Variants in TRPC4 observed in about 807,000 individuals in gnomAD.
TRPC4 encodes short transient receptor potential channel 4.
A neutral mutation model predicts 99.4 loss-of-function variants in TRPC4; 49 were observed. That is an observed-to-expected ratio of 0.49 (90% confidence interval 0.39 to 0.63). The LOEUF (loss-of-function observed/expected upper bound fraction) is 0.63, where lower values mean the gene tolerates loss of function less well. Among genes scored for constraint, TRPC4 ranks in the 20% least tolerant of loss-of-function variants. TRPC4 has a pLI of 0.00. For missense variants in TRPC4, 898 were observed against 1,152.9 expected (o/e 0.78, Z 3.20); for synonymous variants, 454 against 425.9 (o/e 1.07, Z -0.81).
chr13:37,834,658 A>G (rs1219365579), intron 1 of TRPC4, among the ~76,000 whole-genome samples: 4 of 152,194 alleles, frequency 2.6e-5, no homozygotes, highest in African/African-American at 9.7e-5. Flanking sequence ...ACAGTAAATG[A>G]GATGCACTCT....
chr13:37,709,812 C>T (rs1039451929), intron 3 of TRPC4, among the ~76,000 whole-genome samples: 15 of 151,908 alleles, frequency 9.9e-5, no homozygotes, highest in African/African-American at 3.4e-4. Flanking sequence ...ATCTAAAATT[C>T]CATTCAGAAT....
intron 1 of TRPC4, among the ~76,000 whole-genome samples, chr13:37,868,778 GGGATACACCATAGT>G (rs1314027289): frequency 3.3e-5 from 5 of 152,134 alleles, no homozygotes; most frequent in Admixed American, 3.3e-4. Context: ...CATGTGAACA[GGGATACACCATAGT>G]GGATACACCA....
At chr13:37,737,975 G>T (rs1186827097) in intron 3 of TRPC4, among the ~76,000 whole-genome samples, 1 of 152,102 alleles carries the variant, frequency 6.6e-6, no homozygotes. Flanking sequence ...CCAGGGCAGG[G>T]AAAATGTTAA....
At chr13:37,709,961 T>C (rs145726719) in intron 3 of TRPC4, among the ~76,000 whole-genome samples, 18 of 152,090 alleles carry the variant, frequency 1.2e-4, no homozygotes, top group African/African-American at 4.3e-4. Flanking sequence ...GATTGCTGCA[T>C]ATCATGGAAG....
intron 2 of TRPC4, among the ~76,000 whole-genome samples, chr13:37,782,389 A>G (rs915200854): frequency 6.6e-6 from 1 of 152,128 alleles, no homozygotes; most frequent in Non-Finnish European, 1.5e-5. Context: ...GCCCACAGTC[A>G]GAGTTCAGCT....
intron 1 of TRPC4, among the ~76,000 whole-genome samples, chr13:37,795,128 A>T (rs1437703028): frequency 3.3e-5 from 5 of 152,162 alleles, no homozygotes; most frequent in Non-Finnish European, 2.9e-5. Context: ...TGTTCAATTA[A>T]GCTGGATTTA....
In TRPC4 at chr13:37,785,902, T is replaced by A. The variant is rs532781333; in HGVS notation, c.-27-2542A>T. 4.1e-4 allele frequency among the ~76,000 whole-genome samples: 63 copies of A among 152,144 alleles called. No homozygotes were observed. In the South Asian group the frequency reaches 0.012, roughly 30 times the overall value. ...TAATATCTATTTCATTTAATCCAGA[T>A]AACTTCCACAAATGTAAACCACAGA... is the stretch of plus-strand genomic sequence containing the variant. On this transcript the variant is annotated intron_variant, in intron 1 of 10. Transcript: ENST00000379705.
intron 5 of TRPC4, among the ~76,000 whole-genome samples, chr13:37,666,015 T>C (rs1316403666): frequency 6.6e-6 from 1 of 152,142 alleles, no homozygotes; most frequent in Non-Finnish European, 1.5e-5. Context: ...AGGCAAAACA[T>C]TGCTGGCATC....
intron 8 of TRPC4, among the ~76,000 whole-genome samples, chr13:37,642,704 T>C (rs1951754026): frequency 6.6e-6 from 1 of 151,506 alleles, no homozygotes; most frequent in East Asian, 1.9e-4. Context: ...GAGAAGGGCA[T>C]CCTGGATATG....
intron 1 of TRPC4, among the ~76,000 whole-genome samples, chr13:37,811,536 C>G (rs192392197): frequency 2.0e-5 from 3 of 152,228 alleles, no homozygotes; most frequent in Admixed American, 2.0e-4. Flanking sequence ...GGCAACACAG[C>G]TAGACTTCAC....
At chr13:37,777,137 A>G (rs1956727542) in intron 2 of TRPC4, among the ~76,000 whole-genome samples, 2 of 151,948 alleles carry the variant, frequency 1.3e-5, no homozygotes, top group South Asian at 4.1e-4. Flanking sequence ...ACTGAAATAT[A>G]CTTTCTTTTG....
chr13:37,694,712 A>G (rs1040083753), intron 3 of TRPC4, among the ~76,000 whole-genome samples: 1 of 152,172 alleles, frequency 6.6e-6, no homozygotes, highest in African/African-American at 2.4e-5. Flanking sequence ...CAGTATACGT[A>G]ATTTTACGTT....
chr13:37,756,531 T>C (rs1359330713), intron 2 of TRPC4, among the ~76,000 whole-genome samples: 1 of 132,230 alleles, frequency 7.6e-6, no homozygotes, highest in African/African-American at 2.6e-5. Flanking sequence ...TAGCTTTTTT[T>C]TTTCTTTTTT....
intron 1 of TRPC4, among the ~76,000 whole-genome samples, chr13:37,842,488 T>C (rs1333062245): frequency 6.6e-6 from 1 of 152,076 alleles, no homozygotes; most frequent in African/African-American, 2.4e-5. Flanking sequence ...AGCTGTTGTA[T>C]TGAAATAGGT....
chr13:37,773,607 G>A (rs995889869), intron 2 of TRPC4, among the ~76,000 whole-genome samples: 4 of 151,776 alleles, frequency 2.6e-5, no homozygotes, highest in African/African-American at 9.7e-5. Flanking sequence ...GAAGTACTTA[G>A]TTACTTATAG....
At chr13:37,813,999 G>C (rs1016712585) in intron 1 of TRPC4, among the ~76,000 whole-genome samples, 1 of 151,688 alleles carries the variant, frequency 6.6e-6, no homozygotes, top group Non-Finnish European at 1.5e-5. Flanking sequence ...ACCTAGTGGA[G>C]TTACTCTAGA....
intron 2 of TRPC4, among the ~76,000 whole-genome samples, chr13:37,772,977 C>G (rs1333368): frequency 0.016 from 2,458 of 151,886 alleles, 60 homozygotes; most frequent in African/African-American, 0.056. Context: ...TCCCTTATTA[C>G]TGCCAGTCTC....
chr13:37,639,403 A>C, intron 8 of TRPC4, 104 bp from the exon 9 acceptor site: 1 of 1,273,052 alleles, frequency 7.9e-7, no homozygotes, highest in Non-Finnish European at 1.1e-6. Flanking sequence ...TATTTCTTCA[A>C]AGTGGGAGTT....
chr13:37,828,312 A>AT (rs998460975), intron 1 of TRPC4, among the ~76,000 whole-genome samples: 1 of 152,186 alleles, frequency 6.6e-6, no homozygotes, highest in African/African-American at 2.4e-5. Context: ...CAGAATGGTT[A>AT]TTTTTAAAAA....
Sources: allele counts gnomAD v4.1 joint callset (sites outside exome capture counted in the v4.1 genomes callset), GRCh38; gene constraint gnomAD v4.1.1; transcripts MANE v1.5; gene names NCBI Gene and HGNC (gene_info 2026-07-23, HGNC 2026-07-21).